Variants in FARP2 observed in about 807,000 individuals in gnomAD.
The protein encoded by FARP2 is FERM, ARH/RhoGEF and pleckstrin domain protein 2.
In FARP2, 111 loss-of-function variants were observed where a neutral mutation model predicts 130.5. That is an observed-to-expected ratio of 0.85 (90% confidence interval 0.73 to 1.00). FARP2 has a LOEUF of 1.00. Among genes scored for constraint, FARP2 ranks in the 50% least tolerant of loss-of-function variants. The pLI is 0.00. For missense variants in FARP2, 1,385 were observed against 1,346.3 expected (o/e 1.03, Z -0.45); for synonymous variants, 504 against 516.9 (o/e 0.98, Z 0.34).
intron 7 of FARP2, among the ~76,000 whole-genome samples, chr2:241,415,707 A>G (rs1221444713): frequency 6.6e-6 from 1 of 152,210 alleles, no homozygotes; most frequent in Non-Finnish European, 1.5e-5. Flanking sequence ...TTTAGCAGCC[A>G]GAAGCATGGA....
At chr2:241,379,687 C>T (rs2061617681) in intron 2 of FARP2, among the ~76,000 whole-genome samples, 1 of 152,194 alleles carries the variant, frequency 6.6e-6, no homozygotes, top group Non-Finnish European at 1.5e-5. Context: ...TGTCATTGCT[C>T]CCACACGAAC....
At chr2:241,452,772 C>T (rs999511914) in intron 13 of FARP2, among the ~76,000 whole-genome samples, 1 of 151,718 alleles carries the variant, frequency 6.6e-6, no homozygotes, top group Non-Finnish European at 1.5e-5. Context: ...GAAACCACAT[C>T]TCTACTAAAA....
intron 12 of FARP2, among the ~76,000 whole-genome samples, chr2:241,436,765 G>A (rs2063240381): frequency 6.6e-6 from 1 of 152,204 alleles, no homozygotes; most frequent in Non-Finnish European, 1.5e-5. Context: ...CAGGAGGGTT[G>A]CTTCAGTCCA....
chr2:241,418,830 G>A (rs996455310), intron 8 of FARP2, among the ~76,000 whole-genome samples: 1 of 152,160 alleles, frequency 6.6e-6, no homozygotes, highest in African/African-American at 2.4e-5. Flanking sequence ...GAAAGCTCTT[G>A]CGGGGGCTCC....
intron 8 of FARP2, among the ~76,000 whole-genome samples, chr2:241,422,678 T>A (rs1039045301): frequency 9.9e-5 from 15 of 152,176 alleles, no homozygotes; most frequent in African/African-American, 3.6e-4. Context: ...TGAACTTTGC[T>A]GAGCTAAAGG....
At chr2:241,407,872 T>A (rs995774700) in intron 5 of FARP2, among the ~76,000 whole-genome samples, 1 of 152,196 alleles carries the variant, frequency 6.6e-6, no homozygotes, top group Non-Finnish European at 1.5e-5. Context: ...CATGTTGAAC[T>A]TACATTTTCC....
intron 13 of FARP2, among the ~76,000 whole-genome samples, chr2:241,453,949 A>G (rs2063763861): frequency 1.7e-5 from 1 of 59,912 alleles, no homozygotes; most frequent in Admixed American, 2.5e-4. Context: ...ACACCTGGCT[A>G]ATTTTTGTAT....
intron 18 of FARP2, among the ~76,000 whole-genome samples, chr2:241,471,927 G>T: frequency 6.6e-6 from 1 of 152,084 alleles, no homozygotes; most frequent in South Asian, 2.1e-4. Flanking sequence ...TGTTCTGAGG[G>T]GATTATGTTC....
intron 23 of FARP2, 151 bp downstream of exon 23, chr2:241,491,330 C>T (rs1006179343): frequency 1.8e-5 from 15 of 854,386 alleles, no homozygotes; most frequent in South Asian, 4.8e-5. Context: ...CATGCCTGGG[C>T]GGGAAGAGGT....
Position 241,475,377 on chromosome 2 carries a change from C to G in FARP2, c.2132-480C>G, listed in dbSNP as rs2064431258. Among the ~76,000 whole-genome samples, 1 of 152,174 alleles carries G rather than the reference C, an allele frequency of 6.6e-6. No individual in the cohort carries two copies. The highest frequency in any genetic ancestry group is 2.4e-5 in the African/African-American group (1 of 41,422). On this transcript the variant is annotated intron_variant, in intron 18 of 26. Transcript: ENST00000264042. The surrounding 1 kb of genome is among the most constrained non-coding windows in gnomAD (Gnocchi z 4.4). ...CCCATGGCTATGGACTAGTACCAGT[C>G]CAGTCCATAGCCTGTTAGGAACCAG...
intron 9 of FARP2, among the ~76,000 whole-genome samples, chr2:241,432,613 G>T (rs1383605755): frequency 6.6e-6 from 1 of 152,196 alleles, no homozygotes; most frequent in Non-Finnish European, 1.5e-5. Flanking sequence ...TTATCAGGGA[G>T]TAAATATTCC....
intron 3 of FARP2, 77 bp from the exon 4 acceptor site, chr2:241,404,722 T>G: frequency 8.9e-7 from 1 of 1,128,640 alleles, no homozygotes; most frequent in Non-Finnish European, 1.3e-6. Context: ...ATTATAACCA[T>G]TTTTGTTTTT....
In FARP2 at chr2:241,468,290, A is replaced by C; in HGVS notation, c.2044A>C (p.Ile682Leu). Residue 682 changes from isoleucine (I) to leucine (L), a missense_variant, in exon 18 of 27, where the codon ATC (isoleucine) becomes CTC (leucine). Ile to Leu is a conservative substitution (Grantham distance 5). Transcript: ENST00000264042. ...TCTCAACACGTTCCTGCTGAAGCCC[A>C]TCCAGCGGCTGCTGCACTACCGCCT... ...LPLNTFLLKP[I>L]QRLLHYRLLL... The C allele has an allele frequency of 6.2e-7, 1 of 1,613,826 alleles. No homozygotes were observed. Among genetic ancestry groups the C allele is most frequent in the African/African-American group, 1.3e-5 (1 of 75,086 alleles).
chr2:241,441,206 T>C, intron 12 of FARP2, 98 bp from the exon 13 acceptor site: 1 of 1,047,002 alleles, frequency 9.6e-7, no homozygotes, highest in Non-Finnish European at 1.4e-6. Context: ...GTGATAGAAA[T>C]GTGTGGATGC....
Position 241,404,803 on chromosome 2 carries a change from G to A in FARP2, c.293G>A (p.Trp98Ter). ...EFQNTQSYWI[W>*]LEPMKPIIRQ... ...CTTCTGTTAACTCTTCTTTAGATTTGGCTTGAACCTATGAAACCCATCATT... is the reference window on the plus strand; with the variant it reads ...CTTCTGTTAACTCTTCTTTAGATTTAGCTTGAACCTATGAAACCCATCATT... The change falls in exon 4 of 27, where the codon TGG (tryptophan) becomes TAG (stop). Residue 98 changes from tryptophan (W) to a stop codon, truncating the protein, a stop_gained. Transcript: ENST00000264042. LOFTEE classifies it high-confidence loss of function. 2 of 1,604,860 alleles carry A rather than the reference G, an allele frequency of 1.2e-6. No homozygotes were observed. Among genetic ancestry groups the A allele is most frequent in the Non-Finnish European group, 1.7e-6 (2 of 1,172,048 alleles).
chr2:241,362,741 A>G (rs1195020035), intron 1 of FARP2, among the ~76,000 whole-genome samples: 1 of 152,204 alleles, frequency 6.6e-6, no homozygotes, highest in Non-Finnish European at 1.5e-5. Flanking sequence ...CTATCAGTTA[A>G]GACTTTTAAA....
rs776097072 is a variant in FARP2 at position 241,417,982 on chromosome 2, C to T, written c.644C>T (p.Ser215Leu). The change falls in exon 8 of 27, where the codon TCG becomes TTG. Residue 215 changes from serine to leucine, a missense_variant. Coordinates refer to ENST00000264042, the MANE Select transcript of FARP2 (RefSeq NM_014808.4). Reference protein sequence around the residue: ...QKHVGQTPAESDFQVLEIARK... With the variant: ...QKHVGQTPAELDFQVLEIARK... ...TACAGGGGCCAGACACCTGCTGAGT[C>T]GGATTTCCAGGTGCTCGAAATTGCT... The T allele has an allele frequency of 2.0e-5, 33 of 1,614,016 alleles. No individual in the cohort carries two copies. The highest frequency in any genetic ancestry group is 5.3e-5 in the African/African-American group (4 of 74,916).
At chr2:241,394,578 T>C (rs191470562) in intron 2 of FARP2, among the ~76,000 whole-genome samples, 1 of 151,970 alleles carries the variant, frequency 6.6e-6, no homozygotes, top group Admixed American at 6.6e-5. Flanking sequence ...GAACTGATTA[T>C]GACACTTTAT....
intron 12 of FARP2, among the ~76,000 whole-genome samples, chr2:241,438,813 G>A (rs2063311652): frequency 1.3e-5 from 2 of 150,820 alleles, no homozygotes; most frequent in Non-Finnish European, 2.9e-5. Flanking sequence ...TTATTTTTCA[G>A]TGGAGACGGG....
Sources: gnomAD v4.1 joint callset for allele counts (sites outside exome capture counted in the v4.1 genomes callset) on GRCh38, gnomAD v4.1.1 for gene constraint, Gnocchi (gnomAD v3.1) non-coding constraint, MANE v1.5 for transcripts, NCBI Gene and HGNC (gene_info 2026-07-23, HGNC 2026-07-21) for gene names.